The following KHDRBS2 variants were observed in gnomAD, a reference collection of about 807,000 sequenced individuals.
KHDRBS2 encodes KH RNA binding domain containing, signal transduction associated 2.
A neutral mutation model predicts 44.3 loss-of-function variants in KHDRBS2; 26 were observed. The ratio of observed to expected loss-of-function variants is 0.59; its 90% CI spans 0.43 to 0.81. The LOEUF (loss-of-function observed/expected upper bound fraction) is 0.81. KHDRBS2 is among the 40% of genes least tolerant of loss of function. KHDRBS2 has a pLI of 0.00. For missense variants in KHDRBS2, 476 were observed against 433.1 expected (o/e 1.10, Z -0.88); for synonymous variants, 194 against 151.1 (o/e 1.28, Z -2.08).
intron 6 of KHDRBS2, among the ~76,000 whole-genome samples, chr6:61,746,735 G>T (rs962181155): frequency 1.3e-5 from 2 of 152,008 alleles, no homozygotes; most frequent in African/African-American, 4.8e-5. Flanking sequence ...ACTCAAGATG[G>T]ATTAAATACT....
chr6:61,689,134 C>T (rs1767108588), intron 8 of KHDRBS2, among the ~76,000 whole-genome samples: 1 of 151,830 alleles, frequency 6.6e-6, no homozygotes, highest in African/African-American at 2.4e-5. Context: ...GTTAGCAATA[C>T]TTTTATCTAT....
At chr6:62,255,085 C>T (rs759259091) in intron 1 of KHDRBS2, among the ~76,000 whole-genome samples, 7 of 152,030 alleles carry the variant, frequency 4.6e-5, no homozygotes, top group Non-Finnish European at 8.8e-5. Flanking sequence ...AATGTAATCA[C>T]TGTAGACAGT....
intron 8 of KHDRBS2, among the ~76,000 whole-genome samples, chr6:61,694,439 T>G (rs1324718378): frequency 6.6e-6 from 1 of 152,156 alleles, no homozygotes; most frequent in African/African-American, 2.4e-5. Context: ...CAGAGACTAG[T>G]GATACCTATA....
chr6:61,968,098 T>C (rs1392252234), intron 4 of KHDRBS2, among the ~76,000 whole-genome samples: 1 of 151,786 alleles, frequency 6.6e-6, no homozygotes, highest in Admixed American at 6.6e-5. Context: ...AATGTTACTG[T>C]AATTTAAATA....
chr6:62,106,356 T>A (rs1803302326), intron 2 of KHDRBS2, among the ~76,000 whole-genome samples: 1 of 152,158 alleles, frequency 6.6e-6, no homozygotes, highest in Admixed American at 6.5e-5. Flanking sequence ...GTCTCGCTGA[T>A]CGGTCTAATG....
At chr6:61,663,723 G>T in the KHDRBS2 span, among the ~76,000 whole-genome samples, 1 of 150,668 alleles carries the variant, frequency 6.6e-6, no homozygotes, top group Non-Finnish European at 1.5e-5. Flanking sequence ...AAAACAAACA[G>T]TTATACTGCT....
chr6:62,141,145 G>A (rs550700270), intron 2 of KHDRBS2, among the ~76,000 whole-genome samples: 5 of 152,206 alleles, frequency 3.3e-5, no homozygotes, highest in East Asian at 1.9e-4. Flanking sequence ...AAGCATGAAC[G>A]TCAGAATAAA....
the KHDRBS2 span, among the ~76,000 whole-genome samples, chr6:61,585,436 T>C: frequency 6.6e-6 from 1 of 152,066 alleles, no homozygotes; most frequent in Non-Finnish European, 1.5e-5. Context: ...AAAGTTTGAC[T>C]AAAATTATAA....
intron 2 of KHDRBS2, among the ~76,000 whole-genome samples, chr6:62,173,425 C>T (rs1820468865): frequency 6.6e-6 from 1 of 151,768 alleles, no homozygotes; most frequent in Non-Finnish European, 1.5e-5. Context: ...TAATGAGTTC[C>T]AAAATTGAAT....
chr6:61,980,210 T>C (rs1312464872), intron 3 of KHDRBS2, among the ~76,000 whole-genome samples: 1 of 152,176 alleles, frequency 6.6e-6, no homozygotes. Context: ...AGGAAGATTA[T>C]TGTGCAGGAA....
intron 3 of KHDRBS2, among the ~76,000 whole-genome samples, chr6:61,997,847 C>G (rs1777503137): frequency 6.6e-6 from 1 of 152,072 alleles, no homozygotes; most frequent in Non-Finnish European, 1.5e-5. Context: ...TGACACGATT[C>G]TATAAGAAAT....
chr6:62,071,912 A>C (rs1795208239), intron 2 of KHDRBS2, among the ~76,000 whole-genome samples: 1 of 152,124 alleles, frequency 6.6e-6, no homozygotes, highest in Non-Finnish European at 1.5e-5. Flanking sequence ...ATGGCATTGA[A>C]TCTATAAATT....
At chr6:62,252,612 T>C (rs969655201) in intron 1 of KHDRBS2, among the ~76,000 whole-genome samples, 4 of 152,126 alleles carry the variant, frequency 2.6e-5, no homozygotes, top group East Asian at 1.9e-4. Flanking sequence ...TCAATACTTA[T>C]GTACTGATTT....
At chr6:62,021,943 C>CA (rs1184122537) in intron 3 of KHDRBS2, among the ~76,000 whole-genome samples, 1 of 134,122 alleles carries the variant, frequency 7.5e-6, no homozygotes, top group Non-Finnish European at 1.6e-5. Context: ...TATATATACA[C>CA]ACTATATACA....
At chr6:62,044,541 G>A (rs932245424) in intron 3 of KHDRBS2, among the ~76,000 whole-genome samples, 1 of 151,894 alleles carries the variant, frequency 6.6e-6, no homozygotes, top group African/African-American at 2.4e-5. Flanking sequence ...CATACATTTT[G>A]TAGTACCTTA....
intron 2 of KHDRBS2, among the ~76,000 whole-genome samples, chr6:62,068,705 T>C (rs1324296930): frequency 6.6e-6 from 1 of 151,622 alleles, no homozygotes; most frequent in East Asian, 2.0e-4. Flanking sequence ...ACTTCATTGC[T>C]TTACATGTGA....
intron 2 of KHDRBS2, among the ~76,000 whole-genome samples, chr6:62,154,419 T>C (rs1213569490): frequency 6.6e-6 from 1 of 152,214 alleles, no homozygotes; most frequent in South Asian, 2.1e-4. Context: ...ATAGGACTTC[T>C]AGTCAGATTA....
chr6:61,984,875 A>T (rs1293749927), intron 3 of KHDRBS2, among the ~76,000 whole-genome samples: 1 of 152,234 alleles, frequency 6.6e-6, no homozygotes, highest in African/African-American at 2.4e-5. Flanking sequence ...AAGATAAAAA[A>T]ACTACGCAAT....
the KHDRBS2 span, among the ~76,000 whole-genome samples, chr6:61,656,793 T>C: frequency 6.6e-6 from 1 of 151,976 alleles, no homozygotes; most frequent in Non-Finnish European, 1.5e-5. Flanking sequence ...GTATTCAAGA[T>C]GACGTATATA....
Sources: allele counts gnomAD v4.1 joint callset (sites outside exome capture counted in the v4.1 genomes callset), GRCh38; gene constraint gnomAD v4.1.1; transcripts MANE v1.5; gene names NCBI Gene and HGNC (gene_info 2026-07-23, HGNC 2026-07-21).